The following GRM5 variants were observed in gnomAD, a reference collection of about 807,000 sequenced individuals.
GRM5 encodes glutamate metabotropic receptor 5, also known as metabotropic glutamate receptor 5.
In GRM5, 19 loss-of-function variants were observed where a neutral mutation model predicts 83.1. That is an observed-to-expected ratio of 0.23 (90% confidence interval 0.16 to 0.34). GRM5 has a LOEUF of 0.34. Ranked by LOEUF, GRM5 falls within the 10% of genes least tolerant of loss-of-function variation. The pLI is 1.00. For synonymous variants in GRM5, 675 were observed against 633.6 expected, an observed-to-expected ratio of 1.07 and a Z score of -0.98; for missense variants, 1,160 against 1,588.3, an observed-to-expected ratio of 0.73 and a Z score of 4.58.
intron 3 of GRM5, among the ~76,000 whole-genome samples, chr11:88,723,409 C>CTTGA (rs1296678225): frequency 1.3e-5 from 2 of 152,156 alleles, no homozygotes; most frequent in South Asian, 4.2e-4. Context: ...GGCATGATTG[C>CTTGA]TTGATAGTAT....
intron 3 of GRM5, among the ~76,000 whole-genome samples, chr11:88,781,118 CATATATATGTATATATATATAT>C (rs1591511461): frequency 5.1e-5 from 3 of 59,132 alleles, no homozygotes; most frequent in South Asian, 7.2e-4. Context: ...TATATATATA[CATATATATGTATATATATATAT>C]ATATATATGT....
chr11:88,700,216 G>T (rs984465402), intron 3 of GRM5, among the ~76,000 whole-genome samples: 4 of 152,094 alleles, frequency 2.6e-5, no homozygotes, highest in Non-Finnish European at 4.4e-5. Flanking sequence ...TATGGGAGTG[G>T]CCAGGGTATG....
chr11:88,860,410 G>A (rs1457228392), intron 2 of GRM5, among the ~76,000 whole-genome samples: 1 of 152,080 alleles, frequency 6.6e-6, no homozygotes, highest in Non-Finnish European at 1.5e-5. Flanking sequence ...AACTCTATAC[G>A]GAGCTGTGTG....
Position 88,509,347 on chromosome 11 carries a change from C to G in GRM5, c.2884G>C (p.Gly962Arg), listed in dbSNP as rs777067072. 3 of 1,606,378 alleles carry G rather than the reference C, an allele frequency of 1.9e-6. No individual in the cohort carries two copies. The highest frequency in any genetic ancestry group is 8.5e-7 in the Non-Finnish European group (1 of 1,177,458). The change falls in exon 10 of 10, where the codon GGC (glycine) becomes CGC (arginine). Residue 962 changes from glycine to arginine, a missense_variant. By Grantham distance (125) the Gly-to-Arg change is moderately radical. This residue lies in a region of GRM5 where 562 missense variants were observed against 532.4 expected (regional missense o/e 1.06). Coordinates refer to ENST00000305447, the MANE Select transcript of GRM5 (RefSeq NM_001143831.3). The stretch of plus-strand genomic sequence containing the variant: ...CTCCCGCCTGCGCCAGCGCCAGCGC[C>G]CAGGCCACGGCTCTCCGTGCTCTTG... ...FPKSTESRGL[G>R]AGAGAGGSAG...
In GRM5 at chr11:88,625,424, CAA is replaced by C. The variant is rs772727550; in HGVS notation, c.1148-20462_1148-20461del. 7.2e-5 allele frequency among the ~76,000 whole-genome samples: 11 copies of C among 152,192 alleles called. No individual in the cohort carries two copies. In the South Asian group the frequency reaches 1.2e-3, roughly 17 times the overall value. On this transcript the variant is annotated intron_variant, in intron 4 of 9. Coordinates refer to ENST00000305447, the MANE Select transcript of GRM5 (RefSeq NM_001143831.3). ...CCTGGAATCTAGCCAAATTATTATA[CAA>C]AGAGTAATTTTTTCTAAGGAAAAAT...
chr11:88,743,022 G>GGTGC (rs1942060285), intron 3 of GRM5, among the ~76,000 whole-genome samples: 1 of 152,058 alleles, frequency 6.6e-6, no homozygotes, highest in Non-Finnish European at 1.5e-5. Context: ...CTTCTGAAAA[G>GGTGC]ATGCATTTAA....
At chr11:89,056,695 T>C (rs532398454) in intron 1 of GRM5, among the ~76,000 whole-genome samples, 1 of 152,230 alleles carries the variant, frequency 6.6e-6, no homozygotes, top group South Asian at 2.1e-4. Context: ...CTTGTAATGA[T>C]AAAAAAGCTT....
intron 5 of GRM5, among the ~76,000 whole-genome samples, chr11:88,599,286 T>C (rs558004141): frequency 2.0e-5 from 3 of 152,210 alleles, no homozygotes; most frequent in African/African-American, 4.8e-5. Flanking sequence ...TTAAGGAAAG[T>C]TAAACCTTAA....
chr11:89,046,290 G>C (rs1591075171), intron 2 of GRM5, among the ~76,000 whole-genome samples: 1 of 152,034 alleles, frequency 6.6e-6, no homozygotes, highest in Admixed American at 6.6e-5. Context: ...AGAATTTTAA[G>C]AATCTCAACA....
At chr11:88,943,454 G>C (rs1012609338) in intron 2 of GRM5, among the ~76,000 whole-genome samples, 1 of 152,034 alleles carries the variant, frequency 6.6e-6, no homozygotes, top group African/African-American at 2.4e-5. Context: ...AGGTCTGACT[G>C]TAATGGCTAA....
rs1406813654 is a variant in GRM5 at position 88,773,150 on chromosome 11, C to T, written c.911+76756G>A. On this transcript the variant is annotated intron_variant, in intron 3 of 9. Transcript: ENST00000305447. ...TTTTAATGATTGCCATTCTAACTGG[C>T]ATGAGATGGTATCTCATTGTGGTTT... Among the ~76,000 whole-genome samples, 7 of 152,172 alleles carry T rather than the reference C, an allele frequency of 4.6e-5. No individual in the cohort carries two copies. In the East Asian group the frequency reaches 1.2e-3, roughly 25 times the overall value.
chr11:88,869,648 A>T (rs1201982938), intron 2 of GRM5, among the ~76,000 whole-genome samples: 1 of 151,526 alleles, frequency 6.6e-6, no homozygotes, highest in Non-Finnish European at 1.5e-5. Flanking sequence ...TGTTACCTAA[A>T]CTGCTCATCG....
intron 1 of GRM5, among the ~76,000 whole-genome samples, chr11:89,061,198 A>G (rs1941985106): frequency 1.3e-5 from 2 of 152,192 alleles, no homozygotes; most frequent in Admixed American, 1.3e-4. Context: ...GTACGTATAC[A>G]TAATACAATA....
intron 3 of GRM5, among the ~76,000 whole-genome samples, chr11:88,656,228 A>G (rs552986244): frequency 6.6e-6 from 1 of 152,244 alleles, no homozygotes; most frequent in South Asian, 2.1e-4. Flanking sequence ...AGTCTACCAC[A>G]TTTAAGGCAC....
At chr11:88,617,553 T>C (rs1284914238) in intron 4 of GRM5, among the ~76,000 whole-genome samples, 1 of 152,112 alleles carries the variant, frequency 6.6e-6, no homozygotes, top group African/African-American at 2.4e-5. Flanking sequence ...TCAGAGAGCA[T>C]GGAGAAAATT....
intron 8 of GRM5, among the ~76,000 whole-genome samples, chr11:88,565,074 A>T (rs1380526995): frequency 6.6e-6 from 1 of 151,106 alleles, no homozygotes; most frequent in Non-Finnish European, 1.5e-5. Context: ...ATGTTAACTT[A>T]TTCAGTCATC....
At position 88,506,861 on chromosome 11, in the gene GRM5, G is replaced by C. The variant is rs540427816; in HGVS notation, c.*1731C>G. 3.0e-4 allele frequency: 45 copies of C among 152,132 alleles called. 1 individual carries two copies. Among genetic ancestry groups the C allele is most frequent in the African/African-American group, 1.1e-3 (44 of 41,460 alleles). The allele number at this position is 152,132 out of a possible 1,614,324, so 9.4% of individuals were successfully genotyped here. On this transcript the variant is annotated 3_prime_UTR_variant, in exon 10 of 10. Coordinates refer to ENST00000305447, the MANE Select transcript of GRM5 (RefSeq NM_001143831.3). ...GAAATAAAAAAAAATACTTACCAAA[G>C]TAAGGATATTGAGCTAAAAGAAAAA...
At chr11:88,989,841 C>A (rs1439341185) in intron 2 of GRM5, among the ~76,000 whole-genome samples, 1 of 151,634 alleles carries the variant, frequency 6.6e-6, no homozygotes, top group African/African-American at 2.4e-5. Context: ...ATACCAGAAT[C>A]TCTGGGACGC....
intron 8 of GRM5, among the ~76,000 whole-genome samples, chr11:88,554,209 C>T (rs1942573593): frequency 6.6e-6 from 1 of 151,988 alleles, no homozygotes. Context: ...GCTTGCATTC[C>T]TTGGCTTCTA....
Sources: gnomAD v4.1 joint callset for allele counts (sites outside exome capture counted in the v4.1 genomes callset) on GRCh38, gnomAD v4.1.1 for gene constraint, gnomAD v4.1.1 regional missense constraint, MANE v1.5 for transcripts, NCBI Gene and HGNC (gene_info 2026-07-23, HGNC 2026-07-21) for gene names.